Variants in TUBB2A observed in about 807,000 individuals in gnomAD.
TUBB2A encodes tubulin beta 2A class IIa.
Under a neutral mutation model 33.9 loss-of-function variants are expected in TUBB2A, and 7 were observed. That is an observed-to-expected ratio of 0.21 (90% CI 0.12 to 0.39). TUBB2A has a LOEUF of 0.39. TUBB2A is among the 10% of genes least tolerant of loss of function. The pLI is 1.00. For synonymous variants in TUBB2A, 187 were observed against 247.6 expected, an observed-to-expected ratio of 0.76 and a Z score of 2.30; for missense variants, 80 against 593.4, an observed-to-expected ratio of 0.13 and a Z score of 8.99.
Position 3,153,823 on chromosome 6 carries a change from C to G in TUBB2A, c.*40G>C. ...GTAGAAAGACCATGCTTGAGGACAA[C>G]AGAAGTTCACTAAGGATGCACGATT... On this transcript the variant is annotated 3_prime_UTR_variant, in exon 4 of 4. Transcript: ENST00000333628. 1 of 1,611,436 alleles carries G rather than the reference C, an allele frequency of 6.2e-7. No homozygotes were observed. The highest frequency in any genetic ancestry group is 1.1e-5 in the South Asian group (1 of 90,984).
In TUBB2A at chr6:3,153,734, C is replaced by A; in HGVS notation, c.*129G>T. Reference sequence around the variant, plus strand: ...CAATACTGTAATTTTTAGAGGAGTTCCACATCATTACATCAACAGTGTGAA... The same window carrying A: ...CAATACTGTAATTTTTAGAGGAGTTACACATCATTACATCAACAGTGTGAA... On this transcript the variant is annotated 3_prime_UTR_variant, in exon 4 of 4. Coordinates refer to ENST00000333628, the MANE Select transcript of TUBB2A (RefSeq NM_001069.3). The A allele has an allele frequency of 7.2e-7, 1 of 1,393,716 alleles. No homozygotes were observed. Among genetic ancestry groups the A allele is most frequent in the Non-Finnish European group, 9.8e-7 (1 of 1,022,944 alleles). The allele number at this position is 1,393,716 out of a possible 1,614,324, so 86.3% of individuals were successfully genotyped here.
In TUBB2A at chr6:3,154,778, G is replaced by A. The variant is rs555332069; in HGVS notation, c.423C>T (p.Gly141=). 58 of 1,608,692 alleles carry A rather than the reference G, an allele frequency of 3.6e-5. No homozygotes were observed. The South Asian group carries it at 5.0e-4, about 14-fold the overall frequency. The change falls in exon 4 of 4, where the codon GGC becomes GGT. Residue 141 remains glycine, a synonymous_variant. Transcript: ENST00000333628. ...QGFQLTHSLG[G]GTGSGMGTLL... ...GGGTGCCCATCCCGGACCCCGTGCCGCCCCCCAGAGAGTGGGTCAGCTGGA... is the reference window on the plus strand; with the variant it reads ...GGGTGCCCATCCCGGACCCCGTGCCACCCCCCAGAGAGTGGGTCAGCTGGA...
At position 3,155,606 on chromosome 6, in the gene TUBB2A, A is replaced by G; in HGVS notation, c.277+19T>C. 1.3e-6 allele frequency: 2 copies of G among 1,592,130 alleles called. No individual in the cohort carries two copies. The highest frequency in any genetic ancestry group is 1.7e-6 in the Non-Finnish European group (2 of 1,163,232). ...AAGGTGTGTCATTTGGCCAGTTCCC[A>G]GTGATCATGACTACATACCGAACAC... On this transcript the variant is annotated intron_variant, in intron 3 of 3. Transcript: ENST00000333628. The surrounding 1 kb of genome is among the most constrained non-coding windows in gnomAD (Gnocchi z 4.2).
At position 3,157,353 on chromosome 6, in the gene TUBB2A, C is replaced by T. The variant is rs1762654965; in HGVS notation, c.57+54G>A. The stretch of plus-strand genomic sequence containing the variant: ...CGCGGCCTCCAGCCCCCGCCCCGGC[C>T]CCAGCCCGCACCCTCGGTCCCAACC... On this transcript the variant is annotated intron_variant, in intron 1 of 3. Coordinates refer to ENST00000333628, the MANE Select transcript of TUBB2A (RefSeq NM_001069.3). 4.2e-6 allele frequency: 6 copies of T among 1,418,518 alleles called. No individual in the cohort carries two copies. The Admixed American group carries it at 1.3e-4, about 31-fold the overall frequency. The allele number at this position is 1,418,518 out of a possible 1,614,324, so 87.9% of individuals were successfully genotyped here. A position where few individuals can be genotyped will look rare whatever the true frequency, so the allele number is the denominator to read the frequency against.
At position 3,155,677 on chromosome 6, in the gene TUBB2A, A is replaced by C. The variant is rs3209186; in HGVS notation, c.225T>G (p.Ser75=). The C allele has an allele frequency of 6.2e-7, 1 of 1,614,174 alleles. No homozygotes were observed. The highest frequency in any genetic ancestry group is 8.5e-7 in the Non-Finnish European group (1 of 1,180,016). The change falls in exon 3 of 4, where the codon TCT becomes TCG. Residue 75 remains serine (S), a synonymous_variant. Coordinates refer to ENST00000333628, the MANE Select transcript of TUBB2A (RefSeq NM_001069.3). This position sits in a 1 kb window ranked among gnomAD's most constrained non-coding sequence, Gnocchi z 4.2. ...LVDLEPGTMD[S]VRSGPFGQIF... ...TCTGGCCGAAGGGTCCAGACCTGACAGAGTCCATGGTGCCAGGCTCCAGAT... is the reference window on the plus strand; with the variant it reads ...TCTGGCCGAAGGGTCCAGACCTGACCGAGTCCATGGTGCCAGGCTCCAGAT...
chr6:3,157,445 T>A lies in TUBB2A; in HGVS notation c.19A>T (p.Ile7Phe). The stretch of plus-strand genomic sequence containing the variant: ...TGGTTGCCGCACTGGCCCGCCTGGA[T>A]GTGCACGATCTCGCGCATGGTGCCG... MREIVH[I>F]QAGQCGNQIG... The change falls in exon 1 of 4, where the codon ATC becomes TTC. Residue 7 changes from isoleucine (I) to phenylalanine (F), a missense_variant. Around this residue, in one of 5 missense-constraint regions of TUBB2A, gnomAD observed 13 missense variants for 26.6 expected, o/e 0.49. Coordinates refer to ENST00000333628, the MANE Select transcript of TUBB2A (RefSeq NM_001069.3). 1.3e-6 allele frequency: 2 copies of A among 1,546,322 alleles called. No individual in the cohort carries two copies. The highest frequency in any genetic ancestry group is 1.7e-6 in the Non-Finnish European group (2 of 1,152,504).
chr6:3,153,818 G>A lies in TUBB2A; in HGVS notation c.*45C>T, dbSNP rs1168505608. 1 of 1,610,174 alleles carries A rather than the reference G, an allele frequency of 6.2e-7. No homozygotes were observed. On this transcript the variant is annotated 3_prime_UTR_variant, in exon 4 of 4. Coordinates refer to ENST00000333628, the MANE Select transcript of TUBB2A (RefSeq NM_001069.3). The stretch of plus-strand genomic sequence containing the variant: ...TACAAGTAGAAAGACCATGCTTGAG[G>A]ACAACAGAAGTTCACTAAGGATGCA...
intron 1 of TUBB2A, 41 bp downstream of exon 1, chr6:3,157,366 C>G: frequency 6.9e-7 from 1 of 1,458,454 alleles, no homozygotes; most frequent in Non-Finnish European, 9.0e-7. Context: ...AGCCCGCACC[C>G]TCGGTCCCAA....
rs373188340 is a variant in TUBB2A at position 3,154,535 on chromosome 6, G to A, written c.666C>T (p.Tyr222=). The A allele has an allele frequency of 5.0e-6, 8 of 1,612,608 alleles. No homozygotes were observed. The highest frequency in any genetic ancestry group is 2.7e-5 in the African/African-American group (2 of 74,500). ...FRTLKLTTPT[Y]GDLNHLVSAT... ...CCGACACCAGGTGGTTGAGGTCCCC[G>A]TAGGTGGGGGTGGTCAGCTTCAGGG... The change falls in exon 4 of 4, where the codon TAC becomes TAT. Residue 222 remains tyrosine, a synonymous_variant. Transcript: ENST00000333628.
At position 3,153,705 on chromosome 6, in the gene TUBB2A, C is replaced by G; in HGVS notation, c.*158G>C. The G allele has an allele frequency of 1.7e-6, 2 of 1,189,176 alleles. No homozygotes were observed. The highest frequency in any genetic ancestry group is 3.1e-5 in the South Asian group (2 of 63,752). 73.7% of individuals were successfully genotyped at this position (1,189,176 alleles called of 1,614,324 possible). ...TTTTTTATTAGTATAGATACCTTCA[C>G]AGACAATACTGTAATTTTTAGAGGA... On this transcript the variant is annotated 3_prime_UTR_variant, in exon 4 of 4. Coordinates refer to ENST00000333628, the MANE Select transcript of TUBB2A (RefSeq NM_001069.3).
chr6:3,156,487 A>C (rs1204859640), intron 1 of TUBB2A, among the ~76,000 whole-genome samples: 1 of 152,308 alleles, frequency 6.6e-6, no homozygotes, highest in Admixed American at 6.5e-5. Context: ...CACCCCAGGC[A>C]GGGCTGAATG....
In TUBB2A at chr6:3,155,006, G is replaced by A; in HGVS notation, c.278-83C>T. On this transcript the variant is annotated intron_variant, in intron 3 of 3. Coordinates refer to ENST00000333628, the MANE Select transcript of TUBB2A (RefSeq NM_001069.3). The surrounding 1 kb of genome is among the most constrained non-coding windows in gnomAD (Gnocchi z 4.2). ...ATTTTGACTATGGAGGAGAAGGTAGGACTGGTCTTAGACTGGCAGATTCTT... is the reference window on the plus strand; with the variant it reads ...ATTTTGACTATGGAGGAGAAGGTAGAACTGGTCTTAGACTGGCAGATTCTT... 1 of 1,587,512 alleles carries A rather than the reference G, an allele frequency of 6.3e-7. No individual in the cohort carries two copies. Among genetic ancestry groups the A allele is most frequent in the African/African-American group, 1.3e-5 (1 of 74,376 alleles).
chr6:3,155,356 C>T lies in TUBB2A; in HGVS notation c.277+269G>A, dbSNP rs1403604500. 6.6e-6 allele frequency among the ~76,000 whole-genome samples: 1 copy of T among 152,214 alleles called. No homozygotes were observed. The highest frequency in any genetic ancestry group is 1.5e-5 in the Non-Finnish European group (1 of 68,038). On this transcript the variant is annotated intron_variant, in intron 3 of 3. Coordinates refer to ENST00000333628, the MANE Select transcript of TUBB2A (RefSeq NM_001069.3). The surrounding 1 kb of genome is among the most constrained non-coding windows in gnomAD (Gnocchi z 4.2). ...TGAAGTCCTTTCAAGTTGCCTATAG[C>T]CTATGAAGCCTGGCTTGAAGCTTTT...
Position 3,157,529 on chromosome 6 carries a change from G to A in TUBB2A, c.-66C>T, listed in dbSNP as rs1319870807. 2.1e-6 allele frequency: 3 copies of A among 1,410,916 alleles called. No homozygotes were observed. Among genetic ancestry groups the A allele is most frequent in the East Asian group, 3.1e-5 (1 of 32,168 alleles). The allele number at this position is 1,410,916 out of a possible 1,614,324, so 87.4% of individuals were successfully genotyped here. A position where few individuals can be genotyped will look rare whatever the true frequency, so the allele number is the denominator to read the frequency against. ...GTGCGCGGCGTGGACCGGCGGGCTGGGCTGCGCAGAGACCTGCCGCCGCCC... is the reference window on the plus strand; with the variant it reads ...GTGCGCGGCGTGGACCGGCGGGCTGAGCTGCGCAGAGACCTGCCGCCGCCC... On this transcript the variant is annotated 5_prime_UTR_variant, in exon 1 of 4. Transcript: ENST00000333628.
chr6:3,155,794 C>A lies in TUBB2A; in HGVS notation c.167-59G>T. 1 of 1,448,504 alleles carries A rather than the reference C, an allele frequency of 6.9e-7. No homozygotes were observed. The allele number at this position is 1,448,504 out of a possible 1,614,324, so 89.7% of individuals were successfully genotyped here. A position where few individuals can be genotyped will look rare whatever the true frequency, so the allele number is the denominator to read the frequency against. On this transcript the variant is annotated intron_variant, in intron 2 of 3. Transcript: ENST00000333628. The surrounding 1 kb of genome is among the most constrained non-coding windows in gnomAD (Gnocchi z 4.2). The stretch of plus-strand genomic sequence containing the variant: ...TTGGGGAGGGACTCACAGCAGCATT[C>A]AATTCCAGCATCTGAGACAAAAGGA...
At position 3,155,613 on chromosome 6, in the gene TUBB2A, A is replaced by T. The variant is rs1427097125; in HGVS notation, c.277+12T>A. The T allele has an allele frequency of 6.2e-7, 1 of 1,604,262 alleles. No individual in the cohort carries two copies. Among genetic ancestry groups the T allele is most frequent in the East Asian group, 2.2e-5 (1 of 44,752 alleles). The stretch of plus-strand genomic sequence containing the variant: ...GTCATTTGGCCAGTTCCCAGTGATC[A>T]TGACTACATACCGAACACGAAGTTG... On this transcript the variant is annotated intron_variant, in intron 3 of 3. Transcript: ENST00000333628. This position sits in a 1 kb window ranked among gnomAD's most constrained non-coding sequence, Gnocchi z 4.2.
Position 3,155,987 on chromosome 6 carries a change from T to C in TUBB2A, c.166+57A>G. On this transcript the variant is annotated intron_variant, in intron 2 of 3. Transcript: ENST00000333628. The surrounding 1 kb of genome is among the most constrained non-coding windows in gnomAD (Gnocchi z 4.2). ...GTCACGTGCATGTTCCTGGGACGTT[T>C]CATCTCCCACATCATGGAAAGCAAG... is the stretch of plus-strand genomic sequence containing the variant. The C allele has an allele frequency of 4.8e-6, 7 of 1,446,574 alleles. No individual in the cohort carries two copies. Among genetic ancestry groups the C allele is most frequent in the Non-Finnish European group, 6.5e-6 (7 of 1,069,002 alleles). 89.6% of individuals were successfully genotyped at this position (1,446,574 alleles called of 1,614,324 possible).
At chr6:3,156,547 G>C (rs1188917989) in intron 1 of TUBB2A, among the ~76,000 whole-genome samples, 2 of 152,264 alleles carry the variant, frequency 1.3e-5, no homozygotes, top group Non-Finnish European at 2.9e-5. Context: ...AGGACAGGGG[G>C]ACCCACTCTG....
Position 3,154,265 on chromosome 6 carries a change from C to G in TUBB2A, c.936G>C (p.Thr312=). The G allele has an allele frequency of 1.3e-6, 1 of 763,584 alleles. No individual in the cohort carries two copies. The highest frequency in any genetic ancestry group is 3.6e-4 in the Middle Eastern group (1 of 2,784). The allele number at this position is 763,584 out of a possible 1,614,324, so 47.3% of individuals were successfully genotyped here. Reference sequence around the variant, plus strand: ...TGCGGCCCCGGAAGATGGCAGCCACCGTCAGGTAGCGGCCGTGGCGCGGGT... The same window carrying G: ...TGCGGCCCCGGAAGATGGCAGCCACGGTCAGGTAGCGGCCGTGGCGCGGGT... The part of the protein sequence containing the change: ...ACDPRHGRYL[T]VAAIFRGRMS... Residue 312 remains threonine (T), a synonymous_variant, in exon 4 of 4, where the codon ACG becomes ACC. Coordinates refer to ENST00000333628, the MANE Select transcript of TUBB2A (RefSeq NM_001069.3).
Sources: gnomAD v4.1 joint callset for allele counts (sites outside exome capture counted in the v4.1 genomes callset) on GRCh38, gnomAD v4.1.1 for gene constraint, gnomAD v4.1.1 regional missense constraint, Gnocchi (gnomAD v3.1) non-coding constraint, MANE v1.5 for transcripts, NCBI Gene and HGNC (gene_info 2026-07-23, HGNC 2026-07-21) for gene names.